Variants in MPP7 observed in about 807,000 individuals in gnomAD.
MPP7 encodes MAGUK p55 scaffold protein 7.
Under a neutral mutation model 76.5 loss-of-function variants are expected in MPP7, and 60 were observed. That is an observed-to-expected ratio of 0.78 (90% CI 0.64 to 0.97). MPP7 has a LOEUF of 0.97. MPP7 is among the 50% of genes least tolerant of loss of function. The pLI, the probability that MPP7 is intolerant of heterozygous loss-of-function variation, is 0.00. For missense variants in MPP7, 641 were observed against 694.0 expected (o/e 0.92, Z 0.86); for synonymous variants, 237 against 244.5 (o/e 0.97, Z 0.29).
intron 1 of MPP7, among the ~76,000 whole-genome samples, chr10:28,294,054 T>C (rs1397913630): frequency 6.6e-6 from 1 of 152,170 alleles, no homozygotes; most frequent in Non-Finnish European, 1.5e-5. Flanking sequence ...ACGCCTGTAA[T>C]ACCAGCACTT....
At position 28,238,564 on chromosome 10, in the gene MPP7, A is replaced by G. The variant is rs767370070; in HGVS notation, c.37+4T>C. Reference sequence around the variant, plus strand: ...TGAGAACTGCCCCTCTTGGGGTCACATACCAGTGTCACTCCCAGATCCCGT... The same window carrying G: ...TGAGAACTGCCCCTCTTGGGGTCACGTACCAGTGTCACTCCCAGATCCCGT... On this transcript the variant is annotated splice_donor_region_variant and intron_variant, in intron 2 of 16. Coordinates refer to ENST00000683449, the MANE Select transcript of MPP7 (RefSeq NM_001318170.2). The G allele has an allele frequency of 3.7e-6, 6 of 1,614,098 alleles. No individual in the cohort carries two copies. The Admixed American group carries it at 1.0e-4, about 27-fold the overall frequency.
In MPP7 at chr10:28,057,605, CTTTTTT is replaced by C. The variant is rs59550501; in HGVS notation, c.1407+884_1407+889del. Reference sequence around the variant, plus strand: ...GCAGAGCAGTGAGCCAATTAAACCTCTTTTTTTTTTTTTTTTTTTTTTTTTTTTTTA... The same window carrying C: ...GCAGAGCAGTGAGCCAATTAAACCTCTTTTTTTTTTTTTTTTTTTTTTTTA... On this transcript the variant is annotated intron_variant, in intron 15 of 16. Transcript: ENST00000683449. The C allele has an allele frequency of 3.1e-4, 38 of 122,592 alleles. 1 individual carries two copies. The South Asian group carries it at 9.3e-3, about 30-fold the overall frequency. 7.6% of individuals were successfully genotyped at this position (122,592 alleles called of 1,614,324 possible).
At chr10:28,278,412 T>C (rs1304478713) in intron 1 of MPP7, among the ~76,000 whole-genome samples, 1 of 152,128 alleles carries the variant, frequency 6.6e-6, no homozygotes, top group Non-Finnish European at 1.5e-5. Flanking sequence ...CATTTTTAAA[T>C]TCCTAATCAA....
At chr10:28,323,958 CAG>C (rs1264458243) in intron 2 of MPP7, among the ~76,000 whole-genome samples, 1 of 152,062 alleles carries the variant, frequency 6.6e-6, no homozygotes, top group Non-Finnish European at 1.5e-5. Context: ...ATGAATAAAA[CAG>C]AAAAAATATC....
At chr10:28,230,552 G>T (rs1041232621) in intron 2 of MPP7, among the ~76,000 whole-genome samples, 4 of 152,092 alleles carry the variant, frequency 2.6e-5, no homozygotes. Flanking sequence ...AGTGGCTCAC[G>T]CCTGTAATCC....
At chr10:28,072,000 G>A (rs559878471) in intron 12 of MPP7, among the ~76,000 whole-genome samples, 2 of 152,126 alleles carry the variant, frequency 1.3e-5, no homozygotes, top group Admixed American at 6.5e-5. Flanking sequence ...GGGGCCTGGC[G>A]CGGTGGCTCA....
At chr10:28,119,026 T>TG in intron 11 of MPP7, 1 of 985,102 alleles carries the variant, frequency 1.0e-6, no homozygotes, top group Non-Finnish European at 1.2e-6. Flanking sequence ...AAGAGCTGGG[T>TG]GGTGGGAAAT....
At chr10:28,101,709 C>A (rs996104791) in intron 11 of MPP7, among the ~76,000 whole-genome samples, 1 of 151,988 alleles carries the variant, frequency 6.6e-6, no homozygotes, top group Non-Finnish European at 1.5e-5. Context: ...TTGATTAGAA[C>A]AAGTTTTCTA....
rs1257086903 is a variant in MPP7 at position 28,051,916 on chromosome 10, T to A, written c.*2149A>T. ...AAAAAAAAAAAGTATACTACCTGATTTCTAAAATTACCAAAGTGCCCCCTT... is the reference window on the plus strand; with the variant it reads ...AAAAAAAAAAAGTATACTACCTGATATCTAAAATTACCAAAGTGCCCCCTT... On this transcript the variant is annotated 3_prime_UTR_variant, in exon 17 of 17. Transcript: ENST00000683449. The A allele has an allele frequency of 1.3e-5, 2 of 152,054 alleles. No individual in the cohort carries two copies. The highest frequency in any genetic ancestry group is 2.9e-5 in the Non-Finnish European group (2 of 68,076). 9.4% of individuals were successfully genotyped at this position (152,054 alleles called of 1,614,324 possible). A position where few individuals can be genotyped will look rare whatever the true frequency, so the allele number is the denominator to read the frequency against.
chr10:28,155,160 C>A (rs970064685), intron 3 of MPP7, among the ~76,000 whole-genome samples: 3 of 152,110 alleles, frequency 2.0e-5, no homozygotes, highest in African/African-American at 7.2e-5. Context: ...TAGGAGAGTT[C>A]ATGTGTGACT....
chr10:28,310,169 T>C (rs546036284), intron 2 of MPP7, among the ~76,000 whole-genome samples: 1 of 151,990 alleles, frequency 6.6e-6, no homozygotes, highest in Non-Finnish European at 1.5e-5. Flanking sequence ...ACCCGGCTAA[T>C]TGTTGTATTT....
intron 1 of MPP7, among the ~76,000 whole-genome samples, chr10:28,294,978 G>T (rs923729309): frequency 6.6e-6 from 1 of 152,162 alleles, no homozygotes; most frequent in Non-Finnish European, 1.5e-5. Context: ...CCCCTAGAGT[G>T]GCTGGCCCCT....
At chr10:28,302,275 T>C (rs1418030835) in intron 1 of MPP7, among the ~76,000 whole-genome samples, 1 of 152,130 alleles carries the variant, frequency 6.6e-6, no homozygotes, top group Non-Finnish European at 1.5e-5. Flanking sequence ...GGTCTACCTG[T>C]CACTTAAGAA....
rs1037370416 is a variant in MPP7 at position 28,051,308 on chromosome 10, G to A, written c.*2757C>T. On this transcript the variant is annotated 3_prime_UTR_variant, in exon 17 of 17. Transcript: ENST00000683449. ...AGTTTTGTAAGTCTGAGAAGGTTAT[G>A]TTTGTCAGTTTCAAATTATTACAGT... The A allele has an allele frequency of 7.2e-5, 11 of 152,126 alleles. No homozygotes were observed. The highest frequency in any genetic ancestry group is 6.5e-5 in the Admixed American group (1 of 15,276). 9.4% of individuals were successfully genotyped at this position (152,126 alleles called of 1,614,324 possible).
At chr10:28,113,068 T>G (rs1341008386) in intron 11 of MPP7, among the ~76,000 whole-genome samples, 1 of 152,214 alleles carries the variant, frequency 6.6e-6, no homozygotes, top group South Asian at 2.1e-4. Context: ...TACAGCCTAT[T>G]TGACTCACTC....
intron 1 of MPP7, among the ~76,000 whole-genome samples, chr10:28,244,218 C>G (rs1452364576): frequency 2.0e-5 from 3 of 152,112 alleles, no homozygotes; most frequent in Admixed American, 6.6e-5. Context: ...ACTTAAGGAT[C>G]TAGAAGTAGC....
In MPP7 at chr10:28,069,713, T is replaced by A. The variant is rs9733667; in HGVS notation, c.1204+59A>T. Reference sequence around the variant, plus strand: ...TTAAAAATTTTTTAAAATAATTTTTTAAAAATTTAAAATTATCGTAAGTGT... The same window carrying A: ...TTAAAAATTTTTTAAAATAATTTTTAAAAAATTTAAAATTATCGTAAGTGT... On this transcript the variant is annotated intron_variant, in intron 13 of 16. Transcript: ENST00000683449. The A allele has an allele frequency of 6.0e-6, 8 of 1,344,498 alleles. No individual in the cohort carries two copies. In the East Asian group the frequency reaches 1.3e-4, roughly 22 times the overall value. 83.3% of individuals were successfully genotyped at this position (1,344,498 alleles called of 1,614,324 possible).
intron 1 of MPP7, among the ~76,000 whole-genome samples, chr10:28,264,496 A>C (rs1840083273): frequency 6.6e-6 from 1 of 151,884 alleles, no homozygotes; most frequent in South Asian, 2.1e-4. Context: ...TTTAAATTAG[A>C]CCGTCCTGGT....
intron 2 of MPP7, among the ~76,000 whole-genome samples, chr10:28,233,338 C>T (rs1488515094): frequency 1.3e-5 from 2 of 152,134 alleles, no homozygotes; most frequent in Non-Finnish European, 2.9e-5. Context: ...TGTTCATATA[C>T]GTTTATGTGT....
Sources: allele counts gnomAD v4.1 joint callset (sites outside exome capture counted in the v4.1 genomes callset), GRCh38; gene constraint gnomAD v4.1.1; transcripts MANE v1.5; gene names NCBI Gene and HGNC (gene_info 2026-07-23, HGNC 2026-07-21).